The following TMEM244 variants were observed in gnomAD, a reference collection of about 807,000 sequenced individuals.
TMEM244 encodes the protein transmembrane protein 244.
In TMEM244, 13 loss-of-function variants were observed where a neutral mutation model predicts 15.8. The observed-to-expected ratio is 0.82, with a 90% CI of 0.53 to 1.30. The LOEUF (loss-of-function observed/expected upper bound fraction) is 1.30. TMEM244 is among the 50% of genes most tolerant of loss of function. The probability of loss-of-function intolerance (pLI) is 0.00; values close to 1 mark genes in which losing one functional copy is unlikely to be tolerated. For missense variants in TMEM244, 161 were observed against 144.9 expected, an observed-to-expected ratio of 1.11 and a Z score of -0.57; for synonymous variants, 45 against 48.7, an observed-to-expected ratio of 0.92 and a Z score of 0.32.
intron 3 of TMEM244, among the ~76,000 whole-genome samples, chr6:129,834,126 G>T (rs370313605): frequency 2.0e-5 from 3 of 152,198 alleles, no homozygotes; most frequent in East Asian, 1.9e-4. Context: ...ATGAAAGAAA[G>T]TCTCATAAAT....
At chr6:129,835,618 G>A (rs576009416) in intron 3 of TMEM244, among the ~76,000 whole-genome samples, 3 of 152,148 alleles carry the variant, frequency 2.0e-5, no homozygotes, top group Non-Finnish European at 4.4e-5. Flanking sequence ...CACCCGGGAA[G>A]CACAAGGGGT....
intron 4 of TMEM244, among the ~76,000 whole-genome samples, chr6:129,831,621 T>C (rs920496003): frequency 1.3e-5 from 2 of 152,194 alleles, no homozygotes; most frequent in African/African-American, 4.8e-5. Context: ...GGTTCTCAGA[T>C]CAGCTCCCAA....
chr6:129,836,788 T>A (rs1014185254), intron 3 of TMEM244, among the ~76,000 whole-genome samples: 3 of 152,058 alleles, frequency 2.0e-5, no homozygotes, highest in African/African-American at 7.2e-5. Flanking sequence ...TGCATAAGCT[T>A]TAATAGGTAA....
intron 1 of TMEM244, among the ~76,000 whole-genome samples, chr6:129,847,085 T>C (rs1012490362): frequency 2.0e-5 from 3 of 152,112 alleles, no homozygotes; most frequent in Non-Finnish European, 4.4e-5. Flanking sequence ...ATATCTGTAA[T>C]ATATAAACTC....
chr6:129,832,132 C>G (rs1776337395), intron 4 of TMEM244, among the ~76,000 whole-genome samples: 1 of 136,904 alleles, frequency 7.3e-6, no homozygotes, highest in African/African-American at 2.7e-5. Context: ...GAGTCTTGCT[C>G]TGTTGCCCAG....
In TMEM244 at chr6:129,842,958, C is replaced by CT. The variant is rs1328689813; in HGVS notation, c.193+571dup. 1.7e-4 allele frequency among the ~76,000 whole-genome samples: 26 copies of CT among 150,904 alleles called. No homozygotes were observed. In the South Asian group the frequency reaches 5.5e-3, roughly 32 times the overall value. ...GAGAGAAATTTTGCCTTAGTGTATT[C>CT]TTTCTTATTGTTTTTCTTCTGCAGC... On this transcript the variant is annotated intron_variant, in intron 3 of 4. Coordinates refer to ENST00000368143, the MANE Select transcript of TMEM244 (RefSeq NM_001010876.2).
intron 3 of TMEM244, among the ~76,000 whole-genome samples, chr6:129,836,768 T>C (rs1025803364): frequency 1.3e-5 from 2 of 152,018 alleles, no homozygotes; most frequent in Non-Finnish European, 2.9e-5. Context: ...AATGAGAACT[T>C]TGTGATGCAT....
intron 1 of TMEM244, 138 bp from the exon 2 acceptor site, chr6:129,845,990 G>A: frequency 3.5e-6 from 2 of 579,628 alleles, no homozygotes; most frequent in Non-Finnish European, 6.0e-6. Flanking sequence ...CATGGAATGG[G>A]AATGACTTCA....
At position 129,843,520 on chromosome 6, in the gene TMEM244, A is replaced by G. The variant is rs779476159; in HGVS notation, c.193+10T>C. 4 of 1,587,826 alleles carry G rather than the reference A, an allele frequency of 2.5e-6. No homozygotes were observed. Among genetic ancestry groups the G allele is most frequent in the Non-Finnish European group, 3.4e-6 (4 of 1,163,312 alleles). ...ACTAATTGATAAGAATTTAAAATTA[A>G]AACAATTACCTTTATAGTTTATGTT... On this transcript the variant is annotated intron_variant, in intron 3 of 4. Transcript: ENST00000368143.
At chr6:129,849,260 A>G (rs1436235700) in intron 1 of TMEM244, among the ~76,000 whole-genome samples, 1 of 152,154 alleles carries the variant, frequency 6.6e-6, no homozygotes, top group Non-Finnish European at 1.5e-5. Flanking sequence ...GCAAGGCATA[A>G]TTTTTGTAAA....
At chr6:129,847,763 T>C (rs1359348690) in intron 1 of TMEM244, among the ~76,000 whole-genome samples, 1 of 144,682 alleles carries the variant, frequency 6.9e-6, no homozygotes, top group Admixed American at 7.0e-5. Flanking sequence ...CCTTGTTTCT[T>C]TTTTCTTTTT....
intron 1 of TMEM244, among the ~76,000 whole-genome samples, chr6:129,850,466 G>A (rs1427204094): frequency 6.6e-6 from 1 of 152,142 alleles, no homozygotes; most frequent in Non-Finnish European, 1.5e-5. Context: ...CTTGTGGGGG[G>A]TTAAGGGAGA....
At chr6:129,855,090 A>G (rs566620956) in intron 1 of TMEM244, among the ~76,000 whole-genome samples, 232 of 152,330 alleles carry the variant, frequency 1.5e-3, no homozygotes, top group African/African-American at 5.4e-3. Context: ...GGCCTGTCCT[A>G]GTATTTCCCC....
chr6:129,846,438 A>G lies in TMEM244; in HGVS notation c.34-586T>C, dbSNP rs564172216. Among the ~76,000 whole-genome samples, 8 of 152,334 alleles carry G rather than the reference A, an allele frequency of 5.3e-5. No homozygotes were observed. The South Asian group carries it at 1.7e-3, about 32-fold the overall frequency. On this transcript the variant is annotated intron_variant, in intron 1 of 4. Transcript: ENST00000368143. ...ATATATTTGTTGACAAATTTTATATAGAGATACACTTACTTTTCCTGACAA... is the reference window on the plus strand; with the variant it reads ...ATATATTTGTTGACAAATTTTATATGGAGATACACTTACTTTTCCTGACAA...
At chr6:129,835,458 A>G (rs905620000) in intron 3 of TMEM244, among the ~76,000 whole-genome samples, 9 of 151,942 alleles carry the variant, frequency 5.9e-5, no homozygotes, top group Non-Finnish European at 1.3e-4. Context: ...GAATAGGAAC[A>G]GCTCTGGTTT....
chr6:129,852,475 C>T (rs930902656), intron 1 of TMEM244, among the ~76,000 whole-genome samples: 28 of 152,240 alleles, frequency 1.8e-4, no homozygotes, highest in African/African-American at 6.3e-4. Flanking sequence ...GCTGGCACTT[C>T]GCCTTCTTTG....
chr6:129,855,205 A>G (rs547113700), intron 1 of TMEM244, among the ~76,000 whole-genome samples: 1 of 152,322 alleles, frequency 6.6e-6, no homozygotes, highest in East Asian at 1.9e-4. Context: ...CTTTTACTTC[A>G]CTAACAATAA....
At chr6:129,839,243 C>T (rs1776452155) in intron 3 of TMEM244, among the ~76,000 whole-genome samples, 1 of 152,176 alleles carries the variant, frequency 6.6e-6, no homozygotes, top group African/African-American at 2.4e-5. Context: ...AACAAGCTGG[C>T]TTCATCCCTG....
chr6:129,838,484 G>A (rs1776440051), intron 3 of TMEM244, among the ~76,000 whole-genome samples: 2 of 152,132 alleles, frequency 1.3e-5, no homozygotes, highest in Non-Finnish European at 2.9e-5. Context: ...GAGAAAGCAG[G>A]AAAGAGCTAA....
Sources: gnomAD v4.1 joint callset for allele counts (sites outside exome capture counted in the v4.1 genomes callset) on GRCh38, gnomAD v4.1.1 for gene constraint, MANE v1.5 for transcripts, NCBI Gene and HGNC (gene_info 2026-07-23, HGNC 2026-07-21) for gene names.